Variants in PLCH1 observed in about 807,000 individuals in gnomAD.
PLCH1 encodes the protein phospholipase C eta 1, also known as 1-phosphatidylinositol 4,5-bisphosphate phosphodiesterase eta-1.
Under a neutral mutation model 126.7 loss-of-function variants are expected in PLCH1, and 60 were observed. The observed-to-expected ratio is 0.47, with a 90% CI of 0.38 to 0.59. PLCH1 has a LOEUF of 0.59. Among genes scored for constraint, PLCH1 ranks in the 20% least tolerant of loss-of-function variants. The probability of loss-of-function intolerance (pLI) is 0.00; values close to 1 mark genes in which losing one functional copy is unlikely to be tolerated. For synonymous variants in PLCH1, 719 were observed against 734.9 expected, an observed-to-expected ratio of 0.98 and a Z score of 0.35; for missense variants, 1,723 against 2,040.0, an observed-to-expected ratio of 0.84 and a Z score of 2.99.
At chr3:155,673,016 T>C (rs1051063259) in intron 2 of PLCH1, among the ~76,000 whole-genome samples, 1 of 151,742 alleles carries the variant, frequency 6.6e-6, no homozygotes, top group African/African-American at 2.4e-5. Flanking sequence ...CAAATCTGAT[T>C]ATTCTCTCCC....
At chr3:155,635,182 A>G (rs1738572815) in intron 2 of PLCH1, among the ~76,000 whole-genome samples, 1 of 151,822 alleles carries the variant, frequency 6.6e-6, no homozygotes, top group Non-Finnish European at 1.5e-5. Flanking sequence ...ATTGCCAGCT[A>G]CACTCACTCA....
rs897732287 is a variant in PLCH1, at chr3:155,714,678, G to A, written c.-40-10414C>T. Among the ~76,000 whole-genome samples, 13 of 152,150 alleles carry A rather than the reference G, an allele frequency of 8.5e-5. No individual in the cohort carries two copies. In the South Asian group the frequency reaches 1.7e-3, roughly 19 times the overall value. ...GCTAGTTAAGCAATGAGGCGCAATC[G>A]ACCCTCCAAAGACACCCGGGATGCT... On this transcript the variant is annotated intron_variant, in intron 1 of 22. Coordinates refer to ENST00000460012, the MANE Select transcript of PLCH1 (RefSeq NM_014996.4).
At chr3:155,656,017 G>A (rs555686911) in intron 2 of PLCH1, among the ~76,000 whole-genome samples, 2 of 152,122 alleles carry the variant, frequency 1.3e-5, no homozygotes, top group African/African-American at 2.4e-5. Context: ...CAGCAGATAC[G>A]TTTAAAAGAT....
intron 10 of PLCH1, among the ~76,000 whole-genome samples, chr3:155,531,041 A>G (rs1317032794): frequency 1.3e-5 from 2 of 152,102 alleles, no homozygotes; most frequent in East Asian, 3.9e-4. Flanking sequence ...GTAGGTCTCA[A>G]TAGTGGGCTT....
chr3:155,550,805 C>T (rs910011089), intron 9 of PLCH1, among the ~76,000 whole-genome samples: 61 of 152,190 alleles, frequency 4.0e-4, no homozygotes, highest in African/African-American at 1.4e-3. Flanking sequence ...TCAACATATA[C>T]CAATATTTAA....
chr3:155,603,443 A>T (rs1733991370), intron 2 of PLCH1, among the ~76,000 whole-genome samples: 2 of 152,228 alleles, frequency 1.3e-5, no homozygotes, highest in Non-Finnish European at 2.9e-5. Flanking sequence ...GACTTGGTAC[A>T]TAGCAGGTGC....
chr3:155,539,563 G>A (rs946477364), intron 10 of PLCH1, among the ~76,000 whole-genome samples: 1 of 152,008 alleles, frequency 6.6e-6, no homozygotes, highest in African/African-American at 2.4e-5. Flanking sequence ...AAAGTTTCAG[G>A]ATACAAGATC....
chr3:155,597,210 A>G (rs1733092589), intron 2 of PLCH1, among the ~76,000 whole-genome samples: 1 of 152,180 alleles, frequency 6.6e-6, no homozygotes, highest in African/African-American at 2.4e-5. Flanking sequence ...GAAAGAGTAG[A>G]CACACCTGAC....
At chr3:155,614,427 T>C (rs550601453) in intron 2 of PLCH1, among the ~76,000 whole-genome samples, 1 of 150,540 alleles carries the variant, frequency 6.6e-6, no homozygotes, top group Non-Finnish European at 1.5e-5. Context: ...CAAAACAGCA[T>C]AGTACTGATA....
chr3:155,744,285 G>C (rs1749829313), intron 1 of PLCH1, among the ~76,000 whole-genome samples: 1 of 152,160 alleles, frequency 6.6e-6, no homozygotes, highest in Admixed American at 6.5e-5. Flanking sequence ...GGGCGCTCTT[G>C]GTTCTTCCCA....
chr3:155,709,922 T>A (rs1221244436), intron 1 of PLCH1, among the ~76,000 whole-genome samples: 2 of 152,184 alleles, frequency 1.3e-5, no homozygotes, highest in African/African-American at 4.8e-5. Flanking sequence ...CTGGCCTTTT[T>A]AAAAATTTTA....
chr3:155,462,646 A>C (rs1712772297), intron 21 of PLCH1, among the ~76,000 whole-genome samples: 5 of 152,216 alleles, frequency 3.3e-5, no homozygotes, highest in Admixed American at 3.3e-4. Context: ...TATCAGACCC[A>C]GGTTATGTAT....
At chr3:155,554,298 AC>A in intron 8 of PLCH1, 102 bp from the exon 9 acceptor site, 1 of 1,106,898 alleles carries the variant, frequency 9.0e-7, no homozygotes, top group South Asian at 1.6e-5. Flanking sequence ...CTGAAATTAT[AC>A]CCATTTCAAT....
chr3:155,452,969 G>A (rs149614043), intron 21 of PLCH1, among the ~76,000 whole-genome samples: 3 of 152,238 alleles, frequency 2.0e-5, no homozygotes, highest in African/African-American at 4.8e-5. Context: ...TGAGGATATC[G>A]ATCAGGAAAT....
At chr3:155,724,338 T>C (rs1425265775) in intron 1 of PLCH1, among the ~76,000 whole-genome samples, 1 of 152,154 alleles carries the variant, frequency 6.6e-6, no homozygotes, top group Non-Finnish European at 1.5e-5. Flanking sequence ...GTCAGTGGAG[T>C]ATTACAGTCC....
intron 4 of PLCH1, among the ~76,000 whole-genome samples, chr3:155,587,803 A>G (rs1731580938): frequency 6.6e-6 from 1 of 152,250 alleles, no homozygotes; most frequent in African/African-American, 2.4e-5. Flanking sequence ...TTCCCAGTTA[A>G]CTTTTAGCAA....
At chr3:155,559,537 T>A (rs1727296226) in intron 8 of PLCH1, among the ~76,000 whole-genome samples, 1 of 152,180 alleles carries the variant, frequency 6.6e-6, no homozygotes. Flanking sequence ...AAGAAAAACA[T>A]TCCAGAAATA....
At chr3:155,516,819 C>A (rs1300444008) in intron 11 of PLCH1, among the ~76,000 whole-genome samples, 1 of 151,896 alleles carries the variant, frequency 6.6e-6, no homozygotes, top group African/African-American at 2.4e-5. Flanking sequence ...GAGGAATACC[C>A]CCCACTGTCA....
chr3:155,663,999 T>G (rs891501322), intron 2 of PLCH1, among the ~76,000 whole-genome samples: 2 of 152,200 alleles, frequency 1.3e-5, no homozygotes, highest in Non-Finnish European at 2.9e-5. Context: ...TCTTTTACTC[T>G]GCCTTTTACT....
Sources: allele counts gnomAD v4.1 joint callset (sites outside exome capture counted in the v4.1 genomes callset), GRCh38; gene constraint gnomAD v4.1.1; transcripts MANE v1.5; gene names NCBI Gene and HGNC (gene_info 2026-07-23, HGNC 2026-07-21).